Variants in PDE4D observed in about 807,000 individuals in gnomAD.
The protein encoded by PDE4D is 3',5'-cyclic-AMP phosphodiesterase 4D.
A neutral mutation model predicts 87.4 loss-of-function variants in PDE4D; 24 were observed. The observed-to-expected ratio is 0.27, with a 90% CI of 0.20 to 0.39. The LOEUF is 0.39. Ranked by LOEUF, PDE4D falls within the 10% of genes least tolerant of loss-of-function variation. PDE4D has a pLI of 1.00. For synonymous variants in PDE4D, 384 were observed against 383.2 expected (o/e 1.00, Z -0.02); for missense variants, 714 against 1,041.0 (o/e 0.69, Z 4.32).
chr5:59,191,494 T>G (rs1223219232), intron 3 of PDE4D, among the ~76,000 whole-genome samples: 2 of 152,154 alleles, frequency 1.3e-5, no homozygotes, highest in South Asian at 2.1e-4. Context: ...TTTGATGATG[T>G]TACTTACATT....
At chr5:60,012,360 A>T (rs1016303080) in intron 2 of PDE4D, among the ~76,000 whole-genome samples, 1 of 152,206 alleles carries the variant, frequency 6.6e-6, no homozygotes, top group Non-Finnish European at 1.5e-5. Flanking sequence ...CTTAAACATG[A>T]CTTTAAATGA....
intron 1 of PDE4D, among the ~76,000 whole-genome samples, chr5:60,502,337 G>A (rs1308388275): frequency 6.6e-6 from 1 of 152,084 alleles, no homozygotes; most frequent in African/African-American, 2.4e-5. Context: ...ATTTCTGAGG[G>A]CTCTGTTCTG....
intron 1 of PDE4D, among the ~76,000 whole-genome samples, chr5:59,656,192 A>T (rs1358377821): frequency 3.3e-5 from 5 of 152,042 alleles, no homozygotes; most frequent in African/African-American, 1.2e-4. Flanking sequence ...GTCACAAAAA[A>T]ACTCATGCAC....
chr5:59,339,710 G>A (rs913863384), intron 1 of PDE4D, among the ~76,000 whole-genome samples: 2 of 152,168 alleles, frequency 1.3e-5, no homozygotes, highest in African/African-American at 2.4e-5. Context: ...TTACAGCTCA[G>A]AGGAGCTGTG....
chr5:59,737,506 T>A (rs1359696227), intron 1 of PDE4D, among the ~76,000 whole-genome samples: 1 of 152,134 alleles, frequency 6.6e-6, no homozygotes. Flanking sequence ...AGAGTTGACA[T>A]ACATAATTTC....
chr5:60,243,680 T>C (rs1747387595), intron 1 of PDE4D, among the ~76,000 whole-genome samples: 1 of 152,012 alleles, frequency 6.6e-6, no homozygotes, highest in East Asian at 1.9e-4. Context: ...ATCAATGTGA[T>C]AGATCATATC....
intron 1 of PDE4D, among the ~76,000 whole-genome samples, chr5:60,208,322 A>G (rs1254948045): frequency 1.3e-5 from 2 of 152,154 alleles, no homozygotes; most frequent in Non-Finnish European, 2.9e-5. Flanking sequence ...GAGGGGCAGG[A>G]GTGAAGCCTG....
At chr5:59,065,067 T>TATATAC (rs764430366) in intron 5 of PDE4D, among the ~76,000 whole-genome samples, 30 of 89,330 alleles carry the variant, frequency 3.4e-4, no homozygotes, top group Middle Eastern at 8.2e-3. Context: ...GATATATATA[T>TATATAC]ACACACACAC....
intron 1 of PDE4D, among the ~76,000 whole-genome samples, chr5:59,491,719 TCTTA>T (rs1318142265): frequency 2.0e-5 from 3 of 152,240 alleles, no homozygotes; most frequent in Admixed American, 6.5e-5. Flanking sequence ...ATACCTTATT[TCTTA>T]CTTAATCTAA....
chr5:60,128,980 A>AG (rs926401931), intron 2 of PDE4D, among the ~76,000 whole-genome samples: 2 of 152,210 alleles, frequency 1.3e-5, no homozygotes, highest in Non-Finnish European at 2.9e-5. Flanking sequence ...TTAACAGAGG[A>AG]GAAAAACAAA....
Position 60,415,749 on chromosome 5 carries a change from C to A in PDE4D, c.-90+72193G>T, listed in dbSNP as rs184202666. On this transcript the variant is annotated intron_variant, in intron 1 of 16. Coordinates refer to the PDE4D transcript ENST00000502484. Reference sequence around the variant, plus strand: ...CCGAGCCTCCCTGACAAGCGCTGCCCCCTGCTCCAGGGCGCCCAGTCCCAT... The same window carrying A: ...CCGAGCCTCCCTGACAAGCGCTGCCACCTGCTCCAGGGCGCCCAGTCCCAT... Among the ~76,000 whole-genome samples, 1,008 of 152,342 alleles carry A rather than the reference C, an allele frequency of 6.6e-3. 12 individuals are homozygous for A. The highest frequency in any genetic ancestry group is 0.023 in the African/African-American group (952 of 41,588).
chr5:59,228,379 A>T (rs1754318570), intron 1 of PDE4D, among the ~76,000 whole-genome samples: 1 of 151,984 alleles, frequency 6.6e-6, no homozygotes, highest in Non-Finnish European at 1.5e-5. Flanking sequence ...TTACCTATAT[A>T]ACAAACCTGC....
rs199886636 is a variant in PDE4D at position 59,356,814 on chromosome 5, C to G, written c.456-140846G>C. The G allele has an allele frequency of 1.9e-6, 3 of 1,560,390 alleles. No individual in the cohort carries two copies. The African/African-American group carries it at 4.2e-5, about 22-fold the overall frequency. On this transcript the variant is annotated intron_variant, in intron 1 of 14. Coordinates refer to ENST00000340635, the MANE Select transcript of PDE4D (RefSeq NM_001104631.2). ...TGGCTCTTGTAGATGGTCCTGGCAC[C>G]GTGGCTCCCAGAGGATCCCAAACAA...
chr5:59,142,030 C>A (rs1251926906), intron 5 of PDE4D, among the ~76,000 whole-genome samples: 2 of 152,118 alleles, frequency 1.3e-5, no homozygotes, highest in African/African-American at 4.8e-5. Flanking sequence ...CAACCTGGCC[C>A]CACCCTGTTG....
intron 1 of PDE4D, among the ~76,000 whole-genome samples, chr5:59,862,945 T>C (rs16890314): frequency 0.1 from 15,677 of 152,202 alleles, 2,550 homozygotes; most frequent in African/African-American, 0.34. Flanking sequence ...TTAGGACTTC[T>C]GGACTAAGAT....
chr5:59,818,156 G>A (rs917229516), intron 1 of PDE4D, among the ~76,000 whole-genome samples: 6 of 152,108 alleles, frequency 3.9e-5, no homozygotes, highest in Non-Finnish European at 7.4e-5. Flanking sequence ...GAAGCAAATG[G>A]GATTGCTGTT....
intron 2 of PDE4D, among the ~76,000 whole-genome samples, chr5:60,041,519 C>T (rs1052525873): frequency 8.5e-5 from 13 of 152,058 alleles, no homozygotes; most frequent in Admixed American, 5.9e-4. Context: ...GCAAGATGGC[C>T]GAATAGGAAC....
intron 1 of PDE4D, among the ~76,000 whole-genome samples, chr5:59,801,216 G>T (rs546102192): frequency 6.6e-6 from 1 of 152,252 alleles, no homozygotes; most frequent in Non-Finnish European, 1.5e-5. Context: ...CTATTGTGTT[G>T]TTAATGTTTC....
At chr5:60,429,839 T>TG (rs1331250859) in intron 1 of PDE4D, 31 of 343,208 alleles carry the variant, frequency 9.0e-5, no homozygotes, top group Admixed American at 4.2e-5. Flanking sequence ...GATTAGTTTT[T>TG]TTTTTTTTGT....
Sources: allele counts gnomAD v4.1 joint callset (sites outside exome capture counted in the v4.1 genomes callset), GRCh38; gene constraint gnomAD v4.1.1; transcripts MANE v1.5; gene names NCBI Gene and HGNC (gene_info 2026-07-23, HGNC 2026-07-21).